The following ARHGAP8 variants were observed in gnomAD, a reference collection of about 807,000 sequenced individuals.
The protein encoded by ARHGAP8 is rho GTPase-activating protein 8.
ARHGAP8 carries 62 observed loss-of-function variants against 46.1 expected under a neutral mutation model. That is an observed-to-expected ratio of 1.34 (90% CI 1.10 to 1.66). The LOEUF is 1.66. ARHGAP8 is among the 40% of genes most tolerant of loss of function. The pLI is 0.00. For missense variants in ARHGAP8, 923 were observed against 568.4 expected (o/e 1.62, Z -6.34); for synonymous variants, 375 against 243.1 (o/e 1.54, Z -5.05).
intron 1 of ARHGAP8, among the ~76,000 whole-genome samples, chr22:44,762,743 C>T (rs1397403402): frequency 6.6e-6 from 1 of 151,946 alleles, no homozygotes; most frequent in African/African-American, 2.4e-5. Context: ...GAGGTCTCAC[C>T]ATGTTGGCCA....
intron 10 of ARHGAP8, among the ~76,000 whole-genome samples, chr22:44,858,012 A>C (rs2070283584): frequency 6.6e-6 from 1 of 152,234 alleles, no homozygotes; most frequent in African/African-American, 2.4e-5. Flanking sequence ...TTCAGGCACA[A>C]CACCCAGAGA....
chr22:44,776,939 C>T (rs1926471483), intron 1 of ARHGAP8, among the ~76,000 whole-genome samples: 2 of 152,076 alleles, frequency 1.3e-5, no homozygotes, highest in Admixed American at 6.5e-5. Flanking sequence ...GCTGTCTATG[C>T]AGCTTGGGAC....
chr22:44,859,191 G>T (rs993788962), intron 10 of ARHGAP8, among the ~76,000 whole-genome samples: 5 of 152,132 alleles, frequency 3.3e-5, no homozygotes, highest in African/African-American at 1.2e-4. Flanking sequence ...GTGATGATAG[G>T]GCTTGGATCT....
At chr22:44,793,077 C>A (rs1246262976) in intron 2 of ARHGAP8, among the ~76,000 whole-genome samples, 2 of 152,132 alleles carry the variant, frequency 1.3e-5, no homozygotes, top group African/African-American at 2.4e-5. Context: ...CCACCTTAGC[C>A]TCCCAAAGTC....
At chr22:44,796,983 A>C (rs1159761981) in intron 2 of ARHGAP8, among the ~76,000 whole-genome samples, 1 of 152,154 alleles carries the variant, frequency 6.6e-6, no homozygotes. Context: ...TGTGGCTGCC[A>C]GGGCTCCCAC....
Position 44,862,528 on chromosome 22 carries a change from A to G in ARHGAP8, c.1235A>G (p.Gln412Arg), listed in dbSNP as rs201933315. The G allele has an allele frequency of 5.6e-6, 9 of 1,611,412 alleles. No homozygotes were observed. The highest frequency in any genetic ancestry group is 7.6e-6 in the Non-Finnish European group (9 of 1,178,010). ...TTGCAGGAGGCTGTGCCACGGACACAAGCCACGGGCCTCACCAAGCCTACC... is the reference window on the plus strand; with the variant it reads ...TTGCAGGAGGCTGTGCCACGGACACGAGCCACGGGCCTCACCAAGCCTACC... ...APLQEAVPRT[Q>R]ATGLTKPTLP... Residue 412 changes from glutamine to arginine, a missense_variant, in exon 12 of 12, where the codon CAA becomes CGA. By Grantham distance (43) the Gln-to-Arg change is conservative. Transcript: ENST00000356099.
At chr22:44,860,635 TACTAC>T (rs1386578662) in intron 11 of ARHGAP8, among the ~76,000 whole-genome samples, 2 of 79,968 alleles carry the variant, frequency 2.5e-5, no homozygotes, top group Non-Finnish European at 4.9e-5. Context: ...CCATTCAATC[TACTAC>T]ACACCAGGCT....
At chr22:44,784,959 C>A (rs566324111) in intron 1 of ARHGAP8, among the ~76,000 whole-genome samples, 288 of 152,292 alleles carry the variant, frequency 1.9e-3, no homozygotes, top group Middle Eastern at 6.8e-3. Context: ...GGGCCTTGGC[C>A]CCATCCCCCG....
chr22:44,764,544 G>C (rs1334460426), intron 1 of ARHGAP8, among the ~76,000 whole-genome samples: 1 of 152,214 alleles, frequency 6.6e-6, no homozygotes, highest in Admixed American at 6.5e-5. Flanking sequence ...AGTCATGCAG[G>C]TTCTCTGCTG....
intron 1 of ARHGAP8, among the ~76,000 whole-genome samples, chr22:44,753,755 G>A (rs1602130186): frequency 6.6e-6 from 1 of 152,098 alleles, no homozygotes; most frequent in African/African-American, 2.4e-5. Context: ...ATTGTTTGGC[G>A]GGATGGGGAC....
At position 44,860,004 on chromosome 22, in the gene ARHGAP8, C is replaced by T. The variant is rs142271949; in HGVS notation, c.981+170C>T. Among the ~76,000 whole-genome samples the T allele has an allele frequency of 2.2e-3, 272 of 124,324 alleles. 1 individual carries two copies. The highest frequency in any genetic ancestry group is 7.1e-3 in the African/African-American group (257 of 36,120). 81.6% of individuals were successfully genotyped at this position (124,324 alleles called of 152,430 possible). A position where few individuals can be genotyped will look rare whatever the true frequency, so the allele number is the denominator to read the frequency against. ...ACCTCATCCAAGGCCTGGTCAGGCA[C>T]CCATGCTGCTGCGGACCTCCTGCCT... On this transcript the variant is annotated intron_variant, in intron 11 of 11. Coordinates refer to ENST00000356099, the MANE Select transcript of ARHGAP8 (RefSeq NM_181335.3).
chr22:44,837,688 G>T (rs1423791296), intron 7 of ARHGAP8, among the ~76,000 whole-genome samples: 1 of 152,150 alleles, frequency 6.6e-6, no homozygotes, highest in Non-Finnish European at 1.5e-5. Context: ...CTCTCTCCGA[G>T]CCAGCAAGTA....
At chr22:44,754,851 A>T (rs1172600191) in intron 1 of ARHGAP8, among the ~76,000 whole-genome samples, 2 of 152,096 alleles carry the variant, frequency 1.3e-5, no homozygotes, top group Non-Finnish European at 2.9e-5. Flanking sequence ...TCACCACATT[A>T]AAAAAAACCC....
intron 1 of ARHGAP8, among the ~76,000 whole-genome samples, chr22:44,776,563 T>C (rs1181990497): frequency 6.6e-6 from 1 of 152,210 alleles, no homozygotes; most frequent in Admixed American, 6.5e-5. Flanking sequence ...GCCACCTGCC[T>C]TGTTTGAGAG....
chr22:44,770,166 C>T (rs1296474207), intron 1 of ARHGAP8, among the ~76,000 whole-genome samples: 4 of 152,078 alleles, frequency 2.6e-5, no homozygotes. Flanking sequence ...ATTGCTTAAA[C>T]CCAGGAGGCG....
chr22:44,801,732 TG>T, intron 2 of ARHGAP8: 1 of 256,818 alleles, frequency 3.9e-6, no homozygotes, highest in South Asian at 6.7e-5. Context: ...GGAGGTAGAG[TG>T]GCTACACCCT....
intron 2 of ARHGAP8, among the ~76,000 whole-genome samples, chr22:44,796,065 T>G (rs1029892163): frequency 2.6e-5 from 4 of 152,140 alleles, no homozygotes; most frequent in Non-Finnish European, 5.9e-5. Context: ...CAGACCTCAG[T>G]CCTTGCCCTG....
At chr22:44,845,229 G>A (rs1239683549) in intron 7 of ARHGAP8, 40 bp from the exon 8 acceptor site, 1 of 1,612,928 alleles carries the variant, frequency 6.2e-7, no homozygotes, top group Non-Finnish European at 8.5e-7. Flanking sequence ...CACCCATCAA[G>A]CTCAGGTAAA....
intron 1 of ARHGAP8, among the ~76,000 whole-genome samples, chr22:44,777,560 GCTC>G (rs1926513741): frequency 6.6e-6 from 1 of 151,670 alleles, no homozygotes; most frequent in South Asian, 2.1e-4. Flanking sequence ...CCTCCCTACT[GCTC>G]GTTACCCATT....
Sources: allele counts gnomAD v4.1 joint callset (sites outside exome capture counted in the v4.1 genomes callset), GRCh38; gene constraint gnomAD v4.1.1; transcripts MANE v1.5; gene names NCBI Gene and HGNC (gene_info 2026-07-23, HGNC 2026-07-21).